The following PAM variants were observed in gnomAD, a reference collection of about 807,000 sequenced individuals.
PAM encodes the protein peptidyl-glycine alpha-amidating monooxygenase.
In PAM, 72 loss-of-function variants were observed where a neutral mutation model predicts 122.1. The ratio of observed to expected loss-of-function variants is 0.59; its 90% CI spans 0.49 to 0.72. PAM has a LOEUF of 0.72. Ranked by LOEUF, PAM falls within the 30% of genes least tolerant of loss-of-function variation. The pLI, the probability that PAM is intolerant of heterozygous loss-of-function variation, is 0.00. For synonymous variants in PAM, 389 were observed against 404.4 expected (o/e 0.96, Z 0.46); for missense variants, 1,106 against 1,183.7 (o/e 0.93, Z 0.96).
chr5:102,863,431 C>T (rs1312162674), intron 1 of PAM, among the ~76,000 whole-genome samples: 1 of 152,062 alleles, frequency 6.6e-6, no homozygotes, highest in Non-Finnish European at 1.5e-5. Flanking sequence ...TCTTGCCCTC[C>T]TTTTGAGGAT....
intron 4 of PAM, among the ~76,000 whole-genome samples, chr5:102,907,859 A>G (rs2151489016): frequency 6.6e-6 from 1 of 152,098 alleles, no homozygotes; most frequent in East Asian, 1.9e-4. Flanking sequence ...TTCATTGTAG[A>G]TTCTGGATAT....
intron 1 of PAM, among the ~76,000 whole-genome samples, chr5:102,863,647 A>G (rs1287525894): frequency 7.0e-6 from 1 of 143,274 alleles, no homozygotes; most frequent in East Asian, 2.0e-4. Context: ...TTTTTTTTGG[A>G]TGAGTGAAGG....
chr5:102,786,029 A>G (rs2149931962), intron 1 of PAM, among the ~76,000 whole-genome samples: 1 of 152,310 alleles, frequency 6.6e-6, no homozygotes, highest in Non-Finnish European at 1.5e-5. Context: ...GAATTTATGG[A>G]ATATGTTAGC....
intron 17 of PAM, among the ~76,000 whole-genome samples, chr5:103,004,173 T>C (rs1437354068): frequency 6.6e-6 from 1 of 152,192 alleles, no homozygotes; most frequent in Non-Finnish European, 1.5e-5. Flanking sequence ...CTTAGAATTT[T>C]TTAACAGCAT....
At chr5:102,787,520 T>C (rs1371314504) in intron 1 of PAM, among the ~76,000 whole-genome samples, 3 of 151,252 alleles carry the variant, frequency 2.0e-5, no homozygotes, top group African/African-American at 7.3e-5. Flanking sequence ...CCAGGAAATC[T>C]GTGCCCAATT....
At chr5:102,767,560 T>A (rs1754473545) in intron 1 of PAM, among the ~76,000 whole-genome samples, 1 of 152,194 alleles carries the variant, frequency 6.6e-6, no homozygotes, top group Non-Finnish European at 1.5e-5. Flanking sequence ...ATTGTAGGAA[T>A]TCACCCAGAT....
At chr5:102,772,735 C>A (rs917047277) in intron 1 of PAM, among the ~76,000 whole-genome samples, 1 of 152,030 alleles carries the variant, frequency 6.6e-6, no homozygotes, top group African/African-American at 2.4e-5. Flanking sequence ...AACACAAATA[C>A]AATTTGAGAA....
At chr5:102,818,805 A>T (rs1332635022) in intron 1 of PAM, among the ~76,000 whole-genome samples, 1 of 152,052 alleles carries the variant, frequency 6.6e-6, no homozygotes, top group East Asian at 1.9e-4. Flanking sequence ...ATTTACTTTT[A>T]TGTTCCAAAT....
Position 103,009,737 on chromosome 5 carries a change from A to T in PAM, c.2216-14A>T, listed in dbSNP as rs1362319483. The T allele has an allele frequency of 1.5e-6, 2 of 1,371,740 alleles. No individual in the cohort carries two copies. The highest frequency in any genetic ancestry group is 2.3e-5 in the South Asian group (2 of 86,076). The allele number at this position is 1,371,740 out of a possible 1,614,324, so 85.0% of individuals were successfully genotyped here. ...CATATTTTAAAGAAAGGTTAACTGG[A>T]TTTGCTGTTGCAGGCTTGCTCTTTG... On this transcript the variant is annotated splice_polypyrimidine_tract_variant and intron_variant, in intron 20 of 25. Transcript: ENST00000438793.
intron 9 of PAM, 131 bp from the exon 10 acceptor site, chr5:102,949,406 T>A: frequency 1.5e-6 from 1 of 685,106 alleles, no homozygotes; most frequent in South Asian, 1.6e-5. Context: ...GTGCTTAATA[T>A]CTGTGTATTT....
chr5:103,027,213 A>T (rs1785198303), intron 24 of PAM, among the ~76,000 whole-genome samples: 1 of 152,188 alleles, frequency 6.6e-6, no homozygotes, highest in Non-Finnish European at 1.5e-5. Flanking sequence ...ACACTGTGCT[A>T]GGCACATGGG....
chr5:102,785,836 T>C (rs551134926), intron 1 of PAM, among the ~76,000 whole-genome samples: 1 of 152,138 alleles, frequency 6.6e-6, no homozygotes, highest in African/African-American at 2.4e-5. Flanking sequence ...GGAGTGGTGT[T>C]GGAAGTTCTC....
intron 12 of PAM, among the ~76,000 whole-genome samples, chr5:102,952,000 A>C (rs1191663264): frequency 1.3e-5 from 2 of 152,138 alleles, no homozygotes; most frequent in African/African-American, 4.8e-5. Context: ...TACATGAGGT[A>C]ACATGATTCA....
chr5:102,969,286 A>G (rs1470141015), intron 14 of PAM, among the ~76,000 whole-genome samples: 1 of 152,128 alleles, frequency 6.6e-6, no homozygotes, highest in East Asian at 1.9e-4. Context: ...GAAAAAAAAA[A>G]AAAGAAAAGA....
intron 4 of PAM, among the ~76,000 whole-genome samples, chr5:102,905,252 TTGAC>T (rs1288531812): frequency 6.6e-6 from 1 of 151,584 alleles, no homozygotes; most frequent in African/African-American, 2.4e-5. Context: ...GCCAAGAAAT[TTGAC>T]TGTCATCTTC....
At chr5:102,838,042 T>C (rs115350849) in intron 1 of PAM, among the ~76,000 whole-genome samples, 2,709 of 152,036 alleles carry the variant, frequency 0.018, 73 homozygotes, top group African/African-American at 0.063. Flanking sequence ...CATGGTTTTA[T>C]TTGTTTGCTC....
intron 23 of PAM, among the ~76,000 whole-genome samples, chr5:103,023,661 G>A (rs1382128969): frequency 1.3e-5 from 2 of 152,032 alleles, no homozygotes; most frequent in East Asian, 3.9e-4. Context: ...AGAGTCACTT[G>A]AGTGGACAAA....
intron 7 of PAM, among the ~76,000 whole-genome samples, chr5:102,936,379 G>C (rs1252490953): frequency 2.6e-5 from 4 of 152,054 alleles, no homozygotes; most frequent in Non-Finnish European, 1.5e-5. Context: ...CAAAAATTTA[G>C]GACATATTCT....
At chr5:102,996,724 G>A (rs1203979958) in intron 16 of PAM, among the ~76,000 whole-genome samples, 2 of 152,124 alleles carry the variant, frequency 1.3e-5, no homozygotes. Flanking sequence ...ACATATAGAC[G>A]TCTGTTAAAA....
Sources: gnomAD v4.1 joint callset for allele counts (sites outside exome capture counted in the v4.1 genomes callset) on GRCh38, gnomAD v4.1.1 for gene constraint, MANE v1.5 for transcripts, NCBI Gene and HGNC (gene_info 2026-07-23, HGNC 2026-07-21) for gene names.